Variants in AGBL4 observed in about 807,000 individuals in gnomAD.
The protein encoded by AGBL4 is cytosolic carboxypeptidase 6.
In AGBL4, 58 loss-of-function variants were observed where a neutral mutation model predicts 66.4. That is an observed-to-expected ratio of 0.87 (90% CI 0.71 to 1.09). The LOEUF (loss-of-function observed/expected upper bound fraction) is 1.09. Ranked by LOEUF, AGBL4 falls within the 50% of genes least tolerant of loss-of-function variation. AGBL4 has a pLI of 0.00. For synonymous variants in AGBL4, 234 were observed against 222.9 expected (o/e 1.05, Z -0.44); for missense variants, 579 against 631.0 (o/e 0.92, Z 0.88).
At chr1:48,951,900 C>A (rs1462338278) in intron 5 of AGBL4, among the ~76,000 whole-genome samples, 1 of 152,124 alleles carries the variant, frequency 6.6e-6, no homozygotes, top group Admixed American at 6.5e-5. Flanking sequence ...CTACAATGGC[C>A]TTATGAGGGA....
intron 11 of AGBL4, among the ~76,000 whole-genome samples, chr1:48,548,251 G>A (rs751473351): frequency 1.3e-5 from 2 of 152,032 alleles, no homozygotes; most frequent in African/African-American, 4.8e-5. Flanking sequence ...GAAGAAGATC[G>A]CAGCATTAAG....
intron 3 of AGBL4, among the ~76,000 whole-genome samples, chr1:49,580,527 C>CT (rs1258472743): frequency 3.3e-5 from 5 of 152,200 alleles, no homozygotes; most frequent in African/African-American, 1.2e-4. Context: ...TTGATGGTGA[C>CT]TATTGTCCCT....
chr1:49,055,353 T>C (rs1345036039), intron 4 of AGBL4, among the ~76,000 whole-genome samples: 1 of 152,034 alleles, frequency 6.6e-6, no homozygotes, highest in Non-Finnish European at 1.5e-5. Flanking sequence ...TGGACTGAAA[T>C]ATTTATATAT....
intron 2 of AGBL4, among the ~76,000 whole-genome samples, chr1:49,707,427 A>AT (rs1647294383): frequency 3.8e-5 from 2 of 53,272 alleles, no homozygotes; most frequent in African/African-American, 7.5e-5. Flanking sequence ...AAATCCCTTT[A>AT]TTTTGAGCCT....
rs190854727 is a variant in AGBL4 at position 48,862,489 on chromosome 1, T to G, written c.634+4702A>C. ...GGCGCCCGCCACCACGCTCGGCTAA[T>G]TTTTTGTATTTTTAGTAGAGACAGG... On this transcript the variant is annotated intron_variant, in intron 6 of 13. Coordinates refer to ENST00000371839, the MANE Select transcript of AGBL4 (RefSeq NM_032785.4). Among the ~76,000 whole-genome samples the G allele has an allele frequency of 5.7e-3, 867 of 151,992 alleles. 9 individuals carry two copies. Among genetic ancestry groups the G allele is most frequent in the South Asian group, 0.024 (116 of 4,812 alleles).
intron 5 of AGBL4, among the ~76,000 whole-genome samples, chr1:48,925,065 G>A (rs1008607861): frequency 9.2e-5 from 14 of 151,850 alleles, no homozygotes; most frequent in African/African-American, 2.9e-4. Context: ...TACTAAATGC[G>A]TATTGCTTTC....
intron 2 of AGBL4, among the ~76,000 whole-genome samples, chr1:49,840,706 A>G (rs1416597741): frequency 6.6e-6 from 1 of 152,182 alleles, no homozygotes; most frequent in African/African-American, 2.4e-5. Flanking sequence ...GATGAAGTCA[A>G]TAAGTGTTAT....
intron 11 of AGBL4, among the ~76,000 whole-genome samples, chr1:48,551,361 T>C (rs1369927771): frequency 1.3e-5 from 2 of 152,198 alleles, no homozygotes; most frequent in East Asian, 3.9e-4. Context: ...TACCTCAGGA[T>C]TATTGCATTG....
rs200456055 is a variant in AGBL4, at chr1:49,737,545, CA to C, written c.158-40109del. ...GACTACTAGAGGTGGGAGAGAGAGA[CA>C]GGGGCAAGAGCTGAAAAACTAAGAA... On this transcript the variant is annotated intron_variant, in intron 2 of 13. Coordinates refer to ENST00000371839, the MANE Select transcript of AGBL4 (RefSeq NM_032785.4). Among the ~76,000 whole-genome samples, 109 of 152,162 alleles carry C rather than the reference CA, an allele frequency of 7.2e-4. 2 individuals are homozygous for C. The East Asian group carries it at 0.018, about 25-fold the overall frequency.
At chr1:49,329,712 G>A (rs961811104) in intron 3 of AGBL4, among the ~76,000 whole-genome samples, 1 of 151,298 alleles carries the variant, frequency 6.6e-6, no homozygotes, top group African/African-American at 2.4e-5. Context: ...CATTCCTCAT[G>A]CTATTTTCTT....
chr1:48,603,923 C>T (rs1247663354), intron 9 of AGBL4, among the ~76,000 whole-genome samples: 1 of 151,926 alleles, frequency 6.6e-6, no homozygotes, highest in Non-Finnish European at 1.5e-5. Context: ...CTGGGCAAAA[C>T]ACTGTCTCTA....
intron 3 of AGBL4, among the ~76,000 whole-genome samples, chr1:49,462,001 G>A (rs935847130): frequency 2.6e-5 from 4 of 151,708 alleles, no homozygotes; most frequent in African/African-American, 9.7e-5. Context: ...GGGATTGCTA[G>A]GTCAAATGGT....
At chr1:49,198,195 C>T (rs927766917) in intron 4 of AGBL4, among the ~76,000 whole-genome samples, 6 of 152,086 alleles carry the variant, frequency 3.9e-5, no homozygotes, top group African/African-American at 9.7e-5. Flanking sequence ...GGGCTTCACT[C>T]GCAGTTTTCT....
chr1:49,917,653 C>G (rs928178661), intron 1 of AGBL4, among the ~76,000 whole-genome samples: 1 of 152,142 alleles, frequency 6.6e-6, no homozygotes, highest in African/African-American at 2.4e-5. Context: ...TAACACCCCA[C>G]TGTCAACAAC....
intron 3 of AGBL4, among the ~76,000 whole-genome samples, chr1:49,597,306 T>C (rs1036009696): frequency 4.6e-5 from 7 of 152,186 alleles, no homozygotes; most frequent in African/African-American, 1.4e-4. Context: ...TTATAATGCA[T>C]ATAGATATTA....
At chr1:49,065,651 CCTGCATTGCTT>C (rs1410842018) in intron 4 of AGBL4, among the ~76,000 whole-genome samples, 2 of 152,162 alleles carry the variant, frequency 1.3e-5, no homozygotes, top group African/African-American at 4.8e-5. Flanking sequence ...CATCATTGTT[CCTGCATTGCTT>C]CTGCATCCTC....
chr1:49,928,139 C>G (rs1006813554), intron 1 of AGBL4, among the ~76,000 whole-genome samples: 6 of 152,122 alleles, frequency 3.9e-5, no homozygotes, highest in African/African-American at 1.4e-4. Flanking sequence ...GAAATTAAGA[C>G]ACAGAAACAG....
chr1:49,105,480 GGA>G (rs1645275973), intron 4 of AGBL4, among the ~76,000 whole-genome samples: 2 of 152,248 alleles, frequency 1.3e-5, no homozygotes, highest in South Asian at 4.2e-4. Flanking sequence ...GTGAGCTAGT[GGA>G]GAGAGTTAGG....
intron 1 of AGBL4, among the ~76,000 whole-genome samples, chr1:49,873,514 A>C (rs12039972): frequency 0.53 from 79,790 of 151,932 alleles, 22,286 homozygotes; most frequent in Non-Finnish European, 0.62. Flanking sequence ...GTTCCTAAGC[A>C]GATAGCTACA....
Sources: gnomAD v4.1 joint callset for allele counts (sites outside exome capture counted in the v4.1 genomes callset) on GRCh38, gnomAD v4.1.1 for gene constraint, MANE v1.5 for transcripts, NCBI Gene and HGNC (gene_info 2026-07-23, HGNC 2026-07-21) for gene names.